DLGAP2: variants seen among roughly 807,000 people sequenced by gnomAD.
DLGAP2 encodes the protein DLG associated protein 2.
In DLGAP2, 26 loss-of-function variants were observed where a neutral mutation model predicts 100.3. The ratio of observed to expected loss-of-function variants is 0.26; its 90% confidence interval spans 0.19 to 0.36. The LOEUF is 0.36. DLGAP2 is among the 10% of genes least tolerant of loss of function. DLGAP2 has a pLI of 1.00. For missense variants in DLGAP2, 1,858 were observed against 1,453.2 expected (o/e 1.28, Z -4.53); for synonymous variants, 886 against 630.1 (o/e 1.41, Z -6.08).
intron 6 of DLGAP2, among the ~76,000 whole-genome samples, chr8:1,584,030 G>A (rs6994392): frequency 0.57 from 87,180 of 151,754 alleles, 25,991 homozygotes; most frequent in African/African-American, 0.75. Context: ...CTCACTGCTC[G>A]TGCTTGTCTC....
At chr8:1,239,527 G>GCA (rs1798735446) in intron 2 of DLGAP2, among the ~76,000 whole-genome samples, 1 of 97,500 alleles carries the variant, frequency 1.0e-5, no homozygotes, top group African/African-American at 5.7e-5. Context: ...CTCACATGGT[G>GCA]CCGTGTCTAG....
Position 1,347,477 on chromosome 8 carries a change from C to G in DLGAP2, c.106+88594C>G, listed in dbSNP as rs182085780. ...AGTTCCCATACAGAGCTGCATTGCT[C>G]TCATGGGGGCTGTGTGTAGGTTCAT... On this transcript the variant is annotated intron_variant, in intron 3 of 14. Coordinates refer to ENST00000637795, the MANE Select transcript of DLGAP2 (RefSeq NM_001346810.2). 1.8e-4 allele frequency among the ~76,000 whole-genome samples: 27 copies of G among 152,180 alleles called. No individual in the cohort carries two copies. In the South Asian group the frequency reaches 2.5e-3, roughly 14 times the overall value.
At chr8:759,118 CATTATCAATACCCCT>C in intron 1 of DLGAP2, among the ~76,000 whole-genome samples, 2 of 90,636 alleles carry the variant, frequency 2.2e-5, no homozygotes, top group African/African-American at 6.5e-5. Flanking sequence ...ACAGCCTTCC[CATTATCAATACCCCT>C]GACAGCTTTC....
chr8:1,127,165 C>A (rs6991554), intron 2 of DLGAP2, among the ~76,000 whole-genome samples: 40,095 of 148,950 alleles, frequency 0.27, 6,265 homozygotes, highest in Non-Finnish European at 0.37. Context: ...CTGTCCCCAA[C>A]CCAGCTCTTA....
At chr8:1,669,713 T>A in intron 9 of DLGAP2, 30 bp from the exon 10 acceptor site, 1 of 780,850 alleles carries the variant, frequency 1.3e-6, no homozygotes, top group Non-Finnish European at 2.4e-6. Flanking sequence ...GAACCAGGTC[T>A]CCACACTGTG....
chr8:905,956 T>G (rs1394189633), intron 1 of DLGAP2, among the ~76,000 whole-genome samples: 1 of 152,204 alleles, frequency 6.6e-6, no homozygotes, highest in Non-Finnish European at 1.5e-5. Flanking sequence ...TGCTCTGATT[T>G]GATTGATTGA....
chr8:1,559,811 G>A (rs945225495), intron 5 of DLGAP2, among the ~76,000 whole-genome samples: 3 of 152,226 alleles, frequency 2.0e-5, no homozygotes, highest in Non-Finnish European at 4.4e-5. Context: ...GAGCTCCCCC[G>A]TGCCCAGGAA....
intron 3 of DLGAP2, among the ~76,000 whole-genome samples, chr8:1,451,911 A>AGT (rs1251803130): frequency 1.3e-5 from 2 of 152,230 alleles, no homozygotes; most frequent in African/African-American, 4.8e-5. Context: ...CACACGGCCC[A>AGT]GGCCCCACAC....
Position 1,212,992 on chromosome 8 carries a change from T to TA in DLGAP2, c.74-45858dup, listed in dbSNP as rs1363952834. On this transcript the variant is annotated intron_variant, in intron 2 of 14. Coordinates refer to ENST00000637795, the MANE Select transcript of DLGAP2 (RefSeq NM_001346810.2). ...ATTTATTATATGCCATTGTTGCTCT[T>TA]ACGGCAGAGATTTTCTTGTTAAATT... Among the ~76,000 whole-genome samples, 12 of 152,244 alleles carry TA rather than the reference T, an allele frequency of 7.9e-5. No individual in the cohort carries two copies. In the East Asian group the frequency reaches 1.9e-3, roughly 24 times the overall value.
chr8:1,074,899 C>A (rs1010301050), intron 2 of DLGAP2, among the ~76,000 whole-genome samples: 1 of 152,198 alleles, frequency 6.6e-6, no homozygotes, highest in Non-Finnish European at 1.5e-5. Context: ...TGGGGTCAAC[C>A]CAGTGAAACT....
chr8:874,364 G>A (rs1183002868), intron 1 of DLGAP2, among the ~76,000 whole-genome samples: 1 of 151,926 alleles, frequency 6.6e-6, no homozygotes, highest in Non-Finnish European at 1.5e-5. Context: ...CTTGAACCCT[G>A]CTTTGGCTGC....
chr8:1,326,648 CTCTTAG>C (rs1424675643), intron 3 of DLGAP2, among the ~76,000 whole-genome samples: 1 of 152,212 alleles, frequency 6.6e-6, no homozygotes, highest in Non-Finnish European at 1.5e-5. Context: ...ACACGGCGAG[CTCTTAG>C]TCTTGGTCTG....
chr8:1,377,273 A>C (rs113399026), intron 3 of DLGAP2, among the ~76,000 whole-genome samples: 4 of 152,322 alleles, frequency 2.6e-5, no homozygotes, highest in Admixed American at 1.3e-4. Context: ...GGCCGAGCGC[A>C]GTGGCTCACG....
At chr8:1,005,026 A>G (rs1192676288) in intron 2 of DLGAP2, among the ~76,000 whole-genome samples, 1 of 152,184 alleles carries the variant, frequency 6.6e-6, no homozygotes, top group Non-Finnish European at 1.5e-5. Context: ...AGATGTGACC[A>G]TGGAGGGCAA....
At chr8:1,058,924 G>A (rs1802966043) in intron 2 of DLGAP2, among the ~76,000 whole-genome samples, 2 of 152,176 alleles carry the variant, frequency 1.3e-5, no homozygotes, top group African/African-American at 4.8e-5. Context: ...CATCAAAACT[G>A]GTGTTAGAAG....
intron 4 of DLGAP2, among the ~76,000 whole-genome samples, chr8:1,504,127 C>G (rs930182222): frequency 1.3e-5 from 2 of 151,390 alleles, no homozygotes; most frequent in Non-Finnish European, 2.9e-5. Context: ...TAAAAACATA[C>G]CAGTGCCCAG....
At chr8:1,573,644 A>G (rs755393436) in intron 6 of DLGAP2, among the ~76,000 whole-genome samples, 2 of 152,112 alleles carry the variant, frequency 1.3e-5, no homozygotes, top group Non-Finnish European at 2.9e-5. Context: ...CTGGTGCCCA[A>G]ATGCAGGTAA....
At chr8:1,021,828 G>A (rs1470127242) in intron 2 of DLGAP2, among the ~76,000 whole-genome samples, 1 of 152,114 alleles carries the variant, frequency 6.6e-6, no homozygotes, top group Non-Finnish European at 1.5e-5. Context: ...GTGGGAGGAG[G>A]CAGGCACCGT....
chr8:1,332,351 G>T (rs1049871887), intron 3 of DLGAP2, among the ~76,000 whole-genome samples: 1 of 152,068 alleles, frequency 6.6e-6, no homozygotes, highest in Non-Finnish European at 1.5e-5. Context: ...TTGTGTGTGT[G>T]TATACATCTG....
Sources: allele counts gnomAD v4.1 joint callset (sites outside exome capture counted in the v4.1 genomes callset), GRCh38; gene constraint gnomAD v4.1.1; transcripts MANE v1.5; gene names NCBI Gene and HGNC (gene_info 2026-07-23, HGNC 2026-07-21).